PARP11: variants seen among roughly 807,000 people sequenced by gnomAD.
The protein encoded by PARP11 is poly(ADP-ribose) polymerase family member 11.
A neutral mutation model predicts 42.9 loss-of-function variants in PARP11; 31 were observed. The observed-to-expected ratio is 0.72, with a 90% CI of 0.54 to 0.98. The LOEUF is 0.98. Ranked by LOEUF, PARP11 falls within the 50% of genes least tolerant of loss-of-function variation. The pLI is 0.00. For missense variants in PARP11, 365 were observed against 413.1 expected (o/e 0.88, Z 1.01); for synonymous variants, 137 against 127.3 (o/e 1.08, Z -0.51).
At chr12:3,857,247 G>A (rs1273008519) in intron 1 of PARP11, among the ~76,000 whole-genome samples, 1 of 151,980 alleles carries the variant, frequency 6.6e-6, no homozygotes, top group Non-Finnish European at 1.5e-5. Flanking sequence ...TGTACGTTGT[G>A]CACATGTACC....
intron 1 of PARP11, among the ~76,000 whole-genome samples, chr12:3,866,891 T>C (rs1156819724): frequency 2.0e-5 from 3 of 152,198 alleles, no homozygotes; most frequent in Non-Finnish European, 4.4e-5. Context: ...CAACACAATA[T>C]AGAAGAGCAA....
intron 1 of PARP11, among the ~76,000 whole-genome samples, chr12:3,837,733 C>T (rs1947797295): frequency 6.7e-6 from 1 of 150,046 alleles, no homozygotes; most frequent in African/African-American, 2.4e-5. Context: ...TAAAGACACA[C>T]ATGAGGATGA....
At chr12:3,816,188 A>G (rs1276443483) in intron 6 of PARP11, among the ~76,000 whole-genome samples, 1 of 150,472 alleles carries the variant, frequency 6.6e-6, no homozygotes, top group Non-Finnish European at 1.5e-5. Flanking sequence ...AAACAAACGA[A>G]AAAAGTTTTT....
rs370681676 is a variant in PARP11 at position 3,822,381 on chromosome 12, G to A, written c.345-224C>T. 3.7e-3 allele frequency among the ~76,000 whole-genome samples: 551 copies of A among 150,304 alleles called. 3 individuals carry two copies. The highest frequency in any genetic ancestry group is 0.013 in the African/African-American group (510 of 40,318). On this transcript the variant is annotated intron_variant, in intron 4 of 7. Coordinates refer to ENST00000228820, the MANE Select transcript of PARP11 (RefSeq NM_020367.6). ...TGGGAGGCCGAGGCGAGCGGATCAC[G>A]AGGTCAGGAGATCGAGACCATCCTG...
chr12:3,872,187 T>TG (rs1211433757), intron 1 of PARP11, among the ~76,000 whole-genome samples: 3 of 152,192 alleles, frequency 2.0e-5, no homozygotes, highest in African/African-American at 7.2e-5. Flanking sequence ...CAGACCTTGC[T>TG]GGGCTTCCTT....
chr12:3,833,706 C>T (rs1417008810), intron 1 of PARP11, among the ~76,000 whole-genome samples: 2 of 152,134 alleles, frequency 1.3e-5, no homozygotes, highest in Non-Finnish European at 2.9e-5. Flanking sequence ...AGTGGAGAAA[C>T]ATTCATTCAA....
chr12:3,827,469 A>G (rs1325695575), intron 3 of PARP11, among the ~76,000 whole-genome samples: 1 of 152,152 alleles, frequency 6.6e-6, no homozygotes, highest in East Asian at 1.9e-4. Context: ...GTGTCTGTGC[A>G]TATCATTCGG....
intron 1 of PARP11, among the ~76,000 whole-genome samples, chr12:3,850,534 G>A (rs1048130697): frequency 1.3e-5 from 2 of 152,080 alleles, no homozygotes; most frequent in Non-Finnish European, 2.9e-5. Flanking sequence ...ATTCCCCCAC[G>A]CAAGCATGTC....
At chr12:3,863,273 T>C (rs958256362) in intron 1 of PARP11, among the ~76,000 whole-genome samples, 1 of 152,214 alleles carries the variant, frequency 6.6e-6, no homozygotes, top group Non-Finnish European at 1.5e-5. Context: ...AAGATTCCAT[T>C]AGATTTTTAC....
intron 1 of PARP11, among the ~76,000 whole-genome samples, chr12:3,862,178 A>G (rs983023002): frequency 5.9e-5 from 9 of 152,244 alleles, no homozygotes; most frequent in Admixed American, 5.2e-4. Flanking sequence ...CTGTAATCAC[A>G]GCACTTTGGG....
chr12:3,840,865 G>C lies in PARP11; in HGVS notation c.19-10847C>G. On this transcript the variant is annotated intron_variant, in intron 1 of 7. Coordinates refer to ENST00000228820, the MANE Select transcript of PARP11 (RefSeq NM_020367.6). The surrounding 1 kb of genome is among the most constrained non-coding windows in gnomAD (Gnocchi z 4.4). Reference sequence around the variant, plus strand: ...TTCTCCTGCAGAACAAAAGCCAGCAGAACATGTGTCTTTGTCAAATCCAGC... The same window carrying C: ...TTCTCCTGCAGAACAAAAGCCAGCACAACATGTGTCTTTGTCAAATCCAGC... 3 of 1,600,162 alleles carry C rather than the reference G, an allele frequency of 1.9e-6. No homozygotes were observed. The highest frequency in any genetic ancestry group is 2.6e-6 in the Non-Finnish European group (3 of 1,167,226).
intron 6 of PARP11, among the ~76,000 whole-genome samples, chr12:3,820,049 A>G (rs2138021138): frequency 6.6e-6 from 1 of 152,202 alleles, no homozygotes; most frequent in East Asian, 1.9e-4. Flanking sequence ...TTTTGTTGGC[A>G]AAGGTGGATG....
chr12:3,850,795 G>A (rs1202247429), intron 1 of PARP11, among the ~76,000 whole-genome samples: 3 of 152,168 alleles, frequency 2.0e-5, no homozygotes, highest in African/African-American at 7.2e-5. Context: ...TATAGCAACT[G>A]GACAGCAATG....
At chr12:3,828,095 A>G (rs1465934104) in intron 3 of PARP11, among the ~76,000 whole-genome samples, 1 of 152,254 alleles carries the variant, frequency 6.6e-6, no homozygotes, top group African/African-American at 2.4e-5. Flanking sequence ...AATCTGTGGA[A>G]GAGCCAAATC....
In PARP11 at chr12:3,809,662, G is replaced by C. The variant is rs987823922; in HGVS notation, c.*2461C>G. On this transcript the variant is annotated 3_prime_UTR_variant, in exon 8 of 8. Coordinates refer to ENST00000228820, the MANE Select transcript of PARP11 (RefSeq NM_020367.6). ...AAAAAGATAGCCATGTTGAAGGGAG[G>C]ACTATTTTAATGTGGTTTTTTGGTA... The C allele has an allele frequency of 6.6e-6, 1 of 152,160 alleles. No homozygotes were observed. Among genetic ancestry groups the C allele is most frequent in the African/African-American group, 2.4e-5 (1 of 41,430 alleles). The allele number at this position is 152,160 out of a possible 1,614,324, so 9.4% of individuals were successfully genotyped here. A position where few individuals can be genotyped will look rare whatever the true frequency, so the allele number is the denominator to read the frequency against.
chr12:3,832,026 T>C (rs1192395708), intron 1 of PARP11: 1 of 369,594 alleles, frequency 2.7e-6, no homozygotes, highest in African/African-American at 2.2e-5. Context: ...TTCTATCTTT[T>C]CTCTATTAGA....
chr12:3,818,948 A>T (rs1947343405), intron 6 of PARP11, among the ~76,000 whole-genome samples: 9 of 151,950 alleles, frequency 5.9e-5, no homozygotes, highest in Admixed American at 5.9e-4. Context: ...CTTAATGTAC[A>T]TACGCTCCCT....
intron 1 of PARP11, among the ~76,000 whole-genome samples, chr12:3,856,940 A>G (rs1189746126): frequency 1.3e-5 from 2 of 152,234 alleles, no homozygotes; most frequent in Non-Finnish European, 2.9e-5. Context: ...ACGGAATACT[A>G]TGCAGCCATA....
intron 1 of PARP11, among the ~76,000 whole-genome samples, chr12:3,836,911 G>C (rs1453410767): frequency 6.6e-6 from 1 of 152,136 alleles, no homozygotes; most frequent in Non-Finnish European, 1.5e-5. Flanking sequence ...ACTGGAAAAA[G>C]TGAGATTAAG....
Sources: allele counts gnomAD v4.1 joint callset (sites outside exome capture counted in the v4.1 genomes callset), GRCh38; gene constraint gnomAD v4.1.1; non-coding constraint Gnocchi (gnomAD v3.1); transcripts MANE v1.5; gene names NCBI Gene and HGNC (gene_info 2026-07-23, HGNC 2026-07-21).